The following PACRGL variants were observed in gnomAD, a reference collection of about 807,000 sequenced individuals.
PACRGL encodes PACRG-like protein.
In PACRGL, 38 loss-of-function variants were observed where a neutral mutation model predicts 34.5. That is an observed-to-expected ratio of 1.10 (90% CI 0.85 to 1.44). The LOEUF is 1.44. Ranked by LOEUF, PACRGL falls within the 40% of genes most tolerant of loss-of-function variation. PACRGL has a pLI of 0.00. For missense variants in PACRGL, 305 were observed against 281.4 expected (o/e 1.08, Z -0.60); for synonymous variants, 128 against 100.1 (o/e 1.28, Z -1.66).
chr4:20,765,147 A>C, the PACRGL span, among the ~76,000 whole-genome samples: 2 of 152,308 alleles, frequency 1.3e-5, no homozygotes, highest in Middle Eastern at 3.4e-3. Flanking sequence ...GGCACTGGAG[A>C]TACAGGAATG....
chr4:20,729,874 CCTGAA>C lies in PACRGL; in HGVS notation c.*2536_*2540del. On this transcript the variant is annotated 3_prime_UTR_variant, in exon 9 of 9. Coordinates refer to ENST00000503585, the MANE Select transcript of PACRGL (RefSeq NM_001258345.3). ...GAGTATGAAATGAGTTAGACCATCC[CCTGAA>C]CTCAGTGGCATTATGAAAAGGATGC... 2.1e-6 allele frequency: 1 copy of C among 472,770 alleles called. No homozygotes were observed. Among genetic ancestry groups the C allele is most frequent in the Non-Finnish European group, 3.7e-6 (1 of 272,422 alleles). 29.3% of individuals were successfully genotyped at this position (472,770 alleles called of 1,614,324 possible).
chr4:20,696,750 C>T (rs1234367967), upstream of PACRGL, among the ~76,000 whole-genome samples: 1 of 152,180 alleles, frequency 6.6e-6, no homozygotes, highest in Non-Finnish European at 1.5e-5. Context: ...TCTGTACTGT[C>T]CAATACAGTA....
the PACRGL span, among the ~76,000 whole-genome samples, chr4:20,765,814 G>C: frequency 1.3e-5 from 2 of 152,264 alleles, no homozygotes; most frequent in South Asian, 4.1e-4. Flanking sequence ...TTTGTCTGTT[G>C]GTGAAGAAAC....
At chr4:20,719,972 T>A (rs140307206) in intron 7 of PACRGL, among the ~76,000 whole-genome samples, 14,513 of 152,154 alleles carry the variant, frequency 0.095, 899 homozygotes, top group East Asian at 0.13. Flanking sequence ...TCGAAATCTC[T>A]TTGTAGGTCA....
chr4:20,716,064 C>T, intron 7 of PACRGL: 1 of 1,494,920 alleles, frequency 6.7e-7, no homozygotes, highest in Non-Finnish European at 8.8e-7. Flanking sequence ...GAGACCTTTT[C>T]CTGATATGTA....
At chr4:20,762,791 T>C in the PACRGL span, among the ~76,000 whole-genome samples, 1 of 152,216 alleles carries the variant, frequency 6.6e-6, no homozygotes, top group Non-Finnish European at 1.5e-5. Context: ...AGCAGTTGTG[T>C]TAGTTCATTT....
At chr4:20,707,985 A>G in intron 4 of PACRGL, 115 bp downstream of exon 4, 2 of 802,558 alleles carry the variant, frequency 2.5e-6, no homozygotes, top group Non-Finnish European at 4.0e-6. Flanking sequence ...GTTGAAATAA[A>G]GATGACTTTA....
the PACRGL span, among the ~76,000 whole-genome samples, chr4:20,758,038 G>C: frequency 6.6e-6 from 1 of 152,166 alleles, no homozygotes; most frequent in Non-Finnish European, 1.5e-5. Flanking sequence ...CTTTTGGGCA[G>C]AGATTACATC....
chr4:20,712,381 TA>T (rs202173174), intron 5 of PACRGL, among the ~76,000 whole-genome samples: 18 of 150,370 alleles, frequency 1.2e-4, no homozygotes, highest in Non-Finnish European at 1.3e-4. Context: ...TCGAAACTAT[TA>T]AAAAAAAATA....
chr4:20,731,251 G>T lies in PACRGL; in HGVS notation c.*3910G>T, dbSNP rs1748103738. ...TGCCCAGCTAACTTAATTTTTTTTT[G>T]TAGAGATAGATAGGGTCTTGCTATG... On this transcript the variant is annotated 3_prime_UTR_variant, in exon 9 of 9. Transcript: ENST00000503585. 1 of 315,922 alleles carries T rather than the reference G, an allele frequency of 3.2e-6. No homozygotes were observed. The highest frequency in any genetic ancestry group is 4.6e-6 in the Non-Finnish European group (1 of 218,362). The allele number at this position is 315,922 out of a possible 1,614,324, so 19.6% of individuals were successfully genotyped here.
chr4:20,743,714 G>A (rs375500589), intron 8 of PACRGL, among the ~76,000 whole-genome samples: 1 of 152,028 alleles, frequency 6.6e-6, no homozygotes, highest in East Asian at 1.9e-4. Context: ...GCATGGGCAA[G>A]GACTTCATGT....
At chr4:20,738,678 C>T (rs11930930) in intron 8 of PACRGL, among the ~76,000 whole-genome samples, 526 of 152,306 alleles carry the variant, frequency 3.5e-3, no homozygotes, top group African/African-American at 0.011. Context: ...GCATGAGCAA[C>T]GCAGAAGATG....
Position 20,731,349 on chromosome 4 carries a change from C to T in PACRGL, c.*4008C>T, listed in dbSNP as rs1748149331. On this transcript the variant is annotated 3_prime_UTR_variant, in exon 9 of 9. Transcript: ENST00000503585. ...TCAGCCTCCCATAGTGCTGGGATTA[C>T]AGTTGTGAGCTACTGTACCAGGCCT... 3.1e-6 allele frequency: 3 copies of T among 971,806 alleles called. No homozygotes were observed. Among genetic ancestry groups the T allele is most frequent in the Non-Finnish European group, 3.7e-6 (3 of 817,498 alleles). The allele number at this position is 971,806 out of a possible 1,614,324, so 60.2% of individuals were successfully genotyped here.
intron 8 of PACRGL, among the ~76,000 whole-genome samples, chr4:20,749,438 C>T (rs1338027263): frequency 2.0e-5 from 3 of 152,128 alleles, no homozygotes; most frequent in Non-Finnish European, 2.9e-5. Flanking sequence ...AAGAAGTGGA[C>T]TCTCCTTGTA....
intron 5 of PACRGL, among the ~76,000 whole-genome samples, chr4:20,712,370 A>G (rs922300753): frequency 1.3e-5 from 2 of 151,388 alleles, no homozygotes; most frequent in African/African-American, 4.9e-5. Flanking sequence ...CTAGCTGCAG[A>G]TCGAAACTAT....
downstream of PACRGL, among the ~76,000 whole-genome samples, chr4:20,734,100 CCTTT>C (rs1178324299): frequency 3.3e-5 from 5 of 152,152 alleles, no homozygotes; most frequent in African/African-American, 1.2e-4. Flanking sequence ...TTACTCCATC[CCTTT>C]CTTTACTTCT....
At chr4:20,700,955 GA>G (rs1334211116) in intron 1 of PACRGL, among the ~76,000 whole-genome samples, 168 bp downstream of exon 1, 4 of 152,016 alleles carry the variant, frequency 2.6e-5, no homozygotes, top group Non-Finnish European at 2.9e-5. Context: ...TAGATTCTAA[GA>G]CCCCTAAGCA....
chr4:20,710,276 CTA>C (rs1388691256), intron 5 of PACRGL, among the ~76,000 whole-genome samples: 1 of 151,978 alleles, frequency 6.6e-6, no homozygotes, highest in African/African-American at 2.4e-5. Flanking sequence ...GTTTTATAGA[CTA>C]TTTTAAAAAA....
At chr4:20,758,793 A>C in the PACRGL span, 2 of 1,554,560 alleles carry the variant, frequency 1.3e-6, no homozygotes, top group East Asian at 2.2e-5. Context: ...CTCTGATAGT[A>C]TGTTAACAAG....
Sources: gnomAD v4.1 joint callset for allele counts (sites outside exome capture counted in the v4.1 genomes callset) on GRCh38, gnomAD v4.1.1 for gene constraint, MANE v1.5 for transcripts, NCBI Gene and HGNC (gene_info 2026-07-23, HGNC 2026-07-21) for gene names.